Variants in BRINP2 observed in about 807,000 individuals in gnomAD.
BRINP2 encodes BMP/retinoic acid-inducible neural-specific protein 2.
Under a neutral mutation model 69.2 loss-of-function variants are expected in BRINP2, and 21 were observed. The ratio of observed to expected loss-of-function variants is 0.30; its 90% CI spans 0.22 to 0.44. The LOEUF (loss-of-function observed/expected upper bound fraction) is 0.44, where lower values mean the gene tolerates loss of function less well. Ranked by LOEUF, BRINP2 falls within the 20% of genes least tolerant of loss-of-function variation. BRINP2 has a pLI of 1.00. For synonymous variants in BRINP2, 380 were observed against 394.1 expected (o/e 0.96, Z 0.42); for missense variants, 877 against 986.0 (o/e 0.89, Z 1.48).
intron 1 of BRINP2, among the ~76,000 whole-genome samples, chr1:177,209,309 C>T (rs1649157449): frequency 6.6e-6 from 1 of 152,144 alleles, no homozygotes; most frequent in Non-Finnish European, 1.5e-5. Flanking sequence ...GTAATTTCTC[C>T]CTAGGCCCTC....
chr1:177,214,569 C>T (rs948021776), intron 1 of BRINP2, among the ~76,000 whole-genome samples: 1 of 152,140 alleles, frequency 6.6e-6, no homozygotes, highest in Non-Finnish European at 1.5e-5. Flanking sequence ...TTCCTGAATG[C>T]CAAGTACCCT....
rs1405710160 is a variant in BRINP2, at chr1:177,282,176, A to T, written c.*648A>T. ...CCTCCCTCTGCTGCCTCCTCCCCCC[A>T]CCAAGTTTCAGGGCCCTGGATTGTT... On this transcript the variant is annotated 3_prime_UTR_variant, in exon 8 of 8. Coordinates refer to ENST00000361539, the MANE Select transcript of BRINP2 (RefSeq NM_021165.4). 1 of 152,060 alleles carries T rather than the reference A, an allele frequency of 6.6e-6. No individual in the cohort carries two copies. Among genetic ancestry groups the T allele is most frequent in the African/African-American group, 2.4e-5 (1 of 41,222 alleles). The allele number at this position is 152,060 out of a possible 1,614,324, so 9.4% of individuals were successfully genotyped here. A position where few individuals can be genotyped will look rare whatever the true frequency, so the allele number is the denominator to read the frequency against.
rs1004434154 is a variant in BRINP2 at position 177,280,399 on chromosome 1, T to C, written c.1236-13T>C. 6.4e-7 allele frequency: 1 copy of C among 1,572,012 alleles called. No individual in the cohort carries two copies. Among genetic ancestry groups the C allele is most frequent in the Non-Finnish European group, 8.6e-7 (1 of 1,158,384 alleles). On this transcript the variant is annotated splice_polypyrimidine_tract_variant and intron_variant, in intron 7 of 7. Transcript: ENST00000361539. ...CTTTTGACTCTTACTTCATTTTATCTCTGCTCCCCAAGGTCCTTGTCCTAC... is the reference window on the plus strand; with the variant it reads ...CTTTTGACTCTTACTTCATTTTATCCCTGCTCCCCAAGGTCCTTGTCCTAC...
chr1:177,201,106 G>C (rs1173251920), intron 1 of BRINP2, among the ~76,000 whole-genome samples: 9 of 151,982 alleles, frequency 5.9e-5, no homozygotes, highest in African/African-American at 2.2e-4. Context: ...AGTGATGGGT[G>C]CACCAAAATC....
chr1:177,182,302 T>C (rs547257533), intron 1 of BRINP2, among the ~76,000 whole-genome samples: 26 of 152,016 alleles, frequency 1.7e-4, no homozygotes, highest in Non-Finnish European at 3.1e-4. Flanking sequence ...ATCAACTAAT[T>C]TGTGTTAAGG....
chr1:177,271,272 G>A (rs934208394), intron 4 of BRINP2, among the ~76,000 whole-genome samples: 1 of 152,210 alleles, frequency 6.6e-6, no homozygotes, highest in Non-Finnish European at 1.5e-5. Flanking sequence ...AATCTGCATT[G>A]TAAGGATAAT....
chr1:177,208,317 C>A (rs114114968), intron 1 of BRINP2, among the ~76,000 whole-genome samples: 2,420 of 152,236 alleles, frequency 0.016, 30 homozygotes, highest in Non-Finnish European at 0.023. Context: ...GAAAGACAGG[C>A]AGGCACTGTA....
intron 2 of BRINP2, among the ~76,000 whole-genome samples, chr1:177,238,272 G>A (rs1650090401): frequency 6.6e-6 from 1 of 152,212 alleles, no homozygotes; most frequent in Non-Finnish European, 1.5e-5. Flanking sequence ...TCCCCTCTGG[G>A]AGTAGAAACA....
In BRINP2 at chr1:177,276,575, C is replaced by T. The variant is rs149038945; in HGVS notation, c.1012+141C>T. ...ACTTAATTGTGTCTGTGACCTCAAGCAGGTTATATCACCACCCTGAGGCTC... is the reference window on the plus strand; with the variant it reads ...ACTTAATTGTGTCTGTGACCTCAAGTAGGTTATATCACCACCCTGAGGCTC... On this transcript the variant is annotated intron_variant, in intron 6 of 7. Coordinates refer to ENST00000361539, the MANE Select transcript of BRINP2 (RefSeq NM_021165.4). 309 of 740,564 alleles carry T rather than the reference C, an allele frequency of 4.2e-4. 1 individual carries two copies. In the African/African-American group the frequency reaches 4.6e-3, roughly 11 times the overall value. 45.9% of individuals were successfully genotyped at this position (740,564 alleles called of 1,614,324 possible). A position where few individuals can be genotyped will look rare whatever the true frequency, so the allele number is the denominator to read the frequency against.
At chr1:177,180,336 T>G (rs909735113) in intron 1 of BRINP2, among the ~76,000 whole-genome samples, 3 of 152,196 alleles carry the variant, frequency 2.0e-5, no homozygotes, top group Non-Finnish European at 4.4e-5. Context: ...AAGACAAACC[T>G]GGGCATCAAT....
intron 1 of BRINP2, among the ~76,000 whole-genome samples, chr1:177,179,147 A>C (rs1486317406): frequency 3.3e-5 from 5 of 152,242 alleles, no homozygotes; most frequent in Non-Finnish European, 7.3e-5. Flanking sequence ...TGGTATCCAG[A>C]AAAATAACAA....
intron 1 of BRINP2, among the ~76,000 whole-genome samples, chr1:177,189,103 T>A (rs968625668): frequency 1.3e-5 from 2 of 152,142 alleles, no homozygotes; most frequent in Non-Finnish European, 2.9e-5. Flanking sequence ...GTCATAACTA[T>A]GATAAAACAT....
Position 177,229,798 on chromosome 1 carries a change from C to A in BRINP2, c.-76-3C>A. 6.7e-7 allele frequency: 1 copy of A among 1,499,942 alleles called. No individual in the cohort carries two copies. The highest frequency in any genetic ancestry group is 8.9e-7 in the Non-Finnish European group (1 of 1,122,142). The allele number at this position is 1,499,942 out of a possible 1,614,324, so 92.9% of individuals were successfully genotyped here. A position where few individuals can be genotyped will look rare whatever the true frequency, so the allele number is the denominator to read the frequency against. ...AATGACAATGCCTTTTGTACTTTTC[C>A]AGCTCCGAGCCCTGGAGGAGCAGCA... On this transcript the variant is annotated splice_polypyrimidine_tract_variant and splice_region_variant and intron_variant, in intron 1 of 7. Transcript: ENST00000361539.
chr1:177,235,974 G>A (rs1650010204), intron 2 of BRINP2, among the ~76,000 whole-genome samples: 1 of 152,160 alleles, frequency 6.6e-6, no homozygotes, highest in Non-Finnish European at 1.5e-5. Flanking sequence ...TTCTTGACGT[G>A]GAAGGAGATG....
At chr1:177,231,905 C>G (rs1649870201) in intron 2 of BRINP2, among the ~76,000 whole-genome samples, 1 of 151,976 alleles carries the variant, frequency 6.6e-6, no homozygotes, top group Non-Finnish European at 1.5e-5. Flanking sequence ...ACCTAAGAAT[C>G]TCAAAGATGC....
chr1:177,196,415 T>G (rs1373173664), intron 1 of BRINP2, among the ~76,000 whole-genome samples: 8 of 152,022 alleles, frequency 5.3e-5, no homozygotes, highest in Admixed American at 5.2e-4. Context: ...GTCGGGAGTT[T>G]GAGACCAGCC....
intron 3 of BRINP2, chr1:177,256,537 C>T (rs1650764467): frequency 1.0e-6 from 1 of 985,292 alleles, no homozygotes; most frequent in Admixed American, 6.1e-5. Context: ...CTGTCCAAAC[C>T]AACTCCAGTA....
chr1:177,277,828 C>T (rs1362288304), intron 6 of BRINP2, among the ~76,000 whole-genome samples: 1 of 151,920 alleles, frequency 6.6e-6, no homozygotes, highest in East Asian at 1.9e-4. Context: ...GCTGCAGGTC[C>T]CAAGGAAAAG....
At chr1:177,173,369 T>C (rs1647996167) in intron 1 of BRINP2, among the ~76,000 whole-genome samples, 1 of 152,192 alleles carries the variant, frequency 6.6e-6, no homozygotes, top group South Asian at 2.1e-4. Flanking sequence ...CACACCATAG[T>C]CTCCCCTTCT....
Sources: allele counts gnomAD v4.1 joint callset (sites outside exome capture counted in the v4.1 genomes callset), GRCh38; gene constraint gnomAD v4.1.1; transcripts MANE v1.5; gene names NCBI Gene and HGNC (gene_info 2026-07-23, HGNC 2026-07-21).